MDN1: variants seen among roughly 807,000 people sequenced by gnomAD.
The protein encoded by MDN1 is midasin AAA ATPase 1.
Under a neutral mutation model 669.2 loss-of-function variants are expected in MDN1, and 266 were observed. The observed-to-expected ratio is 0.40, with a 90% CI of 0.36 to 0.44. The LOEUF is 0.44. MDN1 is among the 20% of genes least tolerant of loss of function. The pLI is 1.00. For synonymous variants in MDN1, 2,385 were observed against 2,457.1 expected (o/e 0.97, Z 0.87); for missense variants, 5,940 against 6,754.0 (o/e 0.88, Z 4.22).
chr6:89,801,283 G>A (rs559287068), intron 2 of MDN1, among the ~76,000 whole-genome samples: 2 of 152,246 alleles, frequency 1.3e-5, no homozygotes, highest in South Asian at 2.1e-4. Context: ...CAGCACTTTG[G>A]GAGGCCGAGG....
At chr6:89,673,727 T>G (rs916233802) in intron 79 of MDN1, among the ~76,000 whole-genome samples, 1 of 151,320 alleles carries the variant, frequency 6.6e-6, no homozygotes, top group Non-Finnish European at 1.5e-5. Flanking sequence ...AATGATAAAT[T>G]TATTCCATTA....
chr6:89,721,161 G>A (rs754727901), intron 40 of MDN1, among the ~76,000 whole-genome samples: 5 of 152,150 alleles, frequency 3.3e-5, no homozygotes, highest in Middle Eastern at 3.2e-3. Flanking sequence ...ACAGCTTTTC[G>A]AGGTAGGAGT....
chr6:89,720,016 T>C (rs1814706029), intron 40 of MDN1, among the ~76,000 whole-genome samples: 1 of 151,728 alleles, frequency 6.6e-6, no homozygotes, highest in South Asian at 2.1e-4. Context: ...GTAGGGAAAA[T>C]TAAAGCCAGA....
chr6:89,750,374 C>A lies in MDN1; in HGVS notation c.3386G>T (p.Gly1129Val). The change falls in exon 24 of 102, where the codon GGG (glycine) becomes GTG (valine). Residue 1129 changes from glycine (G) to valine (V), a missense_variant. Physicochemically the swap from Gly to Val is moderately radical, Grantham distance 109. Coordinates refer to ENST00000369393, the MANE Select transcript of MDN1 (RefSeq NM_014611.3). ...YIGCYTSDSSGKLVFKEGVLI... is the reference protein window; with the variant it reads ...YIGCYTSDSSVKLVFKEGVLI... ...CCTACCTTCCTTAAAGACAAGCTTCCCTGAGGAGTCAGACGTGTAACAACC... is the reference window on the plus strand; with the variant it reads ...CCTACCTTCCTTAAAGACAAGCTTCACTGAGGAGTCAGACGTGTAACAACC... The A allele has an allele frequency of 6.2e-7, 1 of 1,610,756 alleles. No homozygotes were observed. Among genetic ancestry groups the A allele is most frequent in the East Asian group, 2.2e-5 (1 of 44,790 alleles).
intron 1 of MDN1, among the ~76,000 whole-genome samples, chr6:89,813,898 G>GC (rs1452321874): frequency 6.7e-6 from 1 of 148,286 alleles, no homozygotes; most frequent in Non-Finnish European, 1.5e-5. Context: ...AGGCAACACA[G>GC]CAAGACCTTG....
At chr6:89,752,785 CA>C (rs1186643066) in intron 22 of MDN1, among the ~76,000 whole-genome samples, 8 of 152,108 alleles carry the variant, frequency 5.3e-5, no homozygotes, top group African/African-American at 1.9e-4. Flanking sequence ...GGTACAAAAA[CA>C]AAAATATATC....
At position 89,668,030 on chromosome 6, in the gene MDN1, A is replaced by T. The variant is rs758506562; in HGVS notation, c.14078T>A (p.Ile4693Asn). 2 of 1,613,752 alleles carry T rather than the reference A, an allele frequency of 1.2e-6. No individual in the cohort carries two copies. The highest frequency in any genetic ancestry group is 1.1e-5 in the South Asian group (1 of 91,052). The change falls in exon 84 of 102, where the codon ATC (isoleucine) becomes AAC (asparagine). Residue 4693 changes from isoleucine (I) to asparagine (N), a missense_variant. Physicochemically the swap from Ile to Asn is moderately radical, Grantham distance 149. Coordinates refer to ENST00000369393, the MANE Select transcript of MDN1 (RefSeq NM_014611.3). Reference sequence around the variant, plus strand: ...AAAACGTACCTGTTCTTCATTTCCGATCTGGTCACTCACATCCTTCATGCC... The same window carrying T: ...AAAACGTACCTGTTCTTCATTTCCGTTCTGGTCACTCACATCCTTCATGCC... ...GEGMKDVSDQ[I>N]GNEEQVEDTF...
chr6:89,672,189 CAGTT>C lies in MDN1; in HGVS notation c.13794+7_13794+10del. The C allele has an allele frequency of 1.3e-6, 2 of 1,565,130 alleles. No individual in the cohort carries two copies. The highest frequency in any genetic ancestry group is 1.7e-6 in the Non-Finnish European group (2 of 1,162,700). ...TGAAGAGGAAGAAGTTTGTAAAGAA[CAGTT>C]AGTTACCAGGTGCTTTGCTGCTGTG... On this transcript the variant is annotated splice_region_variant and intron_variant, in intron 82 of 101. Transcript: ENST00000369393.
intron 39 of MDN1, among the ~76,000 whole-genome samples, 173 bp downstream of exon 39, chr6:89,723,339 A>G (rs1464529188): frequency 6.6e-6 from 1 of 152,246 alleles, no homozygotes; most frequent in Non-Finnish European, 1.5e-5. Context: ...CAATACAGAA[A>G]TGAATTACTG....
At chr6:89,731,798 G>GCC (rs34465205) in intron 34 of MDN1, among the ~76,000 whole-genome samples, 10 of 120,762 alleles carry the variant, frequency 8.3e-5, no homozygotes, top group African/African-American at 2.9e-4. Flanking sequence ...TCATAGTACC[G>GCC]CCCCCCCCCC....
intron 93 of MDN1, 50 bp downstream of exon 93, chr6:89,654,111 GACT>G: frequency 6.3e-7 from 1 of 1,596,070 alleles, no homozygotes; most frequent in South Asian, 1.1e-5. Context: ...AGAGAGAACT[GACT>G]ACTTCAAGTC....
chr6:89,814,936 T>C, intron 1 of MDN1: 1 of 486,364 alleles, frequency 2.1e-6, no homozygotes, highest in Non-Finnish European at 4.0e-6. Flanking sequence ...TGCAGCTCGC[T>C]CAGCTAAGAG....
At chr6:89,687,506 A>T in intron 67 of MDN1, 68 bp from the exon 68 acceptor site, 2 of 1,390,962 alleles carry the variant, frequency 1.4e-6, no homozygotes, top group Non-Finnish European at 2.0e-6. Context: ...TTCCTCAAGA[A>T]CATCTTGAAC....
chr6:89,728,878 C>T, intron 36 of MDN1, 53 bp downstream of exon 36: 1 of 1,522,530 alleles, frequency 6.6e-7, no homozygotes, highest in Non-Finnish European at 9.0e-7. Context: ...TAAATTGACA[C>T]AGACATTACT....
At chr6:89,752,397 C>T (rs1278810411) in intron 22 of MDN1, among the ~76,000 whole-genome samples, 1 of 152,124 alleles carries the variant, frequency 6.6e-6, no homozygotes, top group Non-Finnish European at 1.5e-5. Flanking sequence ...TTACAATTTA[C>T]CGAAAGTATT....
At chr6:89,645,826 T>C (rs1808457649) in intron 100 of MDN1, among the ~76,000 whole-genome samples, 1 of 152,226 alleles carries the variant, frequency 6.6e-6, no homozygotes, top group Non-Finnish European at 1.5e-5. Context: ...CTTGCTTCCA[T>C]CAAAATCTGA....
chr6:89,684,435 C>T (rs1811867199), intron 71 of MDN1, among the ~76,000 whole-genome samples: 1 of 151,442 alleles, frequency 6.6e-6, no homozygotes, highest in Admixed American at 6.6e-5. Context: ...CATTAAGTCA[C>T]CTGACATATA....
At chr6:89,808,006 G>A (rs1473566097) in intron 1 of MDN1, among the ~76,000 whole-genome samples, 1 of 151,844 alleles carries the variant, frequency 6.6e-6, no homozygotes, top group Non-Finnish European at 1.5e-5. Context: ...GAGAGTGACA[G>A]GATCTCACTT....
At chr6:89,698,516 T>C (rs1812928818) in intron 59 of MDN1, among the ~76,000 whole-genome samples, 1 of 152,250 alleles carries the variant, frequency 6.6e-6, no homozygotes, top group East Asian at 1.9e-4. Context: ...AATATAAAAA[T>C]ATATGTAAAC....
Sources: allele counts gnomAD v4.1 joint callset (sites outside exome capture counted in the v4.1 genomes callset), GRCh38; gene constraint gnomAD v4.1.1; transcripts MANE v1.5; gene names NCBI Gene and HGNC (gene_info 2026-07-23, HGNC 2026-07-21).